DLG2: variants seen among roughly 807,000 people sequenced by gnomAD.
DLG2 encodes disks large homolog 2.
In DLG2, 45 loss-of-function variants were observed where a neutral mutation model predicts 132.5. The observed-to-expected ratio is 0.34, with a 90% confidence interval of 0.27 to 0.44. DLG2 has a LOEUF of 0.44. Among genes scored for constraint, DLG2 ranks in the 20% least tolerant of loss-of-function variants. The pLI, the probability that DLG2 is intolerant of heterozygous loss-of-function variation, is 1.00. For synonymous variants in DLG2, 424 were observed against 419.6 expected, an observed-to-expected ratio of 1.01 and a Z score of -0.13; for missense variants, 1,045 against 1,196.9, an observed-to-expected ratio of 0.87 and a Z score of 1.87.
At chr11:84,046,846 T>C (rs549870349) in intron 11 of DLG2, among the ~76,000 whole-genome samples, 3 of 151,770 alleles carry the variant, frequency 2.0e-5, no homozygotes, top group Non-Finnish European at 3.0e-5. Flanking sequence ...GTTTTCTATA[T>C]GCGATAAAGT....
chr11:84,917,331 T>G (rs966327690), intron 6 of DLG2, among the ~76,000 whole-genome samples: 1 of 152,224 alleles, frequency 6.6e-6, no homozygotes. Flanking sequence ...TGCAATTTTA[T>G]TGTTTACTTA....
At chr11:84,326,098 T>G (rs1192304038) in intron 7 of DLG2, among the ~76,000 whole-genome samples, 1 of 152,068 alleles carries the variant, frequency 6.6e-6, no homozygotes, top group African/African-American at 2.4e-5. Context: ...CTTCTTTCAT[T>G]TTAAAAAATT....
chr11:84,546,016 G>A (rs1056891308), intron 6 of DLG2, among the ~76,000 whole-genome samples: 2 of 152,050 alleles, frequency 1.3e-5, no homozygotes, highest in African/African-American at 2.4e-5. Flanking sequence ...TCGGCCTCCC[G>A]AAGTGCTGGG....
At chr11:84,037,246 G>A (rs555841944) in intron 11 of DLG2, among the ~76,000 whole-genome samples, 10 of 152,180 alleles carry the variant, frequency 6.6e-5, no homozygotes, top group African/African-American at 2.4e-4. Flanking sequence ...AGATACTTCT[G>A]AAAATTATGC....
intron 6 of DLG2, among the ~76,000 whole-genome samples, chr11:84,693,683 TG>T (rs1460282550): frequency 1.3e-5 from 2 of 151,702 alleles, no homozygotes; most frequent in Non-Finnish European, 3.0e-5. Context: ...TTATACACTC[TG>T]ACTCCCATCC....
intron 9 of DLG2, among the ~76,000 whole-genome samples, chr11:84,104,005 T>C (rs1050333393): frequency 6.6e-6 from 1 of 152,282 alleles, no homozygotes; most frequent in East Asian, 1.9e-4. Context: ...AAAAGATTTG[T>C]GTTCAAGGTT....
intron 18 of DLG2, among the ~76,000 whole-genome samples, chr11:83,771,080 C>T (rs138061853): frequency 1.3e-5 from 2 of 152,316 alleles, no homozygotes; most frequent in African/African-American, 4.8e-5. Flanking sequence ...ATAATCTTCA[C>T]ATCTTCATTT....
At position 85,130,062 on chromosome 11, in the gene DLG2, G is replaced by C. The variant is rs534782550; in HGVS notation, c.283-18327C>G. 3.3e-5 allele frequency among the ~76,000 whole-genome samples: 5 copies of C among 152,146 alleles called. No individual in the cohort carries two copies. In the South Asian group the frequency reaches 6.2e-4, roughly 19 times the overall value. The stretch of plus-strand genomic sequence containing the variant: ...CACACACCGGGGCCTTTTGAGGGGT[G>C]GGGGGCAAGAGGAGAAATAGCATTA... On this transcript the variant is annotated intron_variant, in intron 5 of 27. Transcript: ENST00000376104.
At chr11:84,845,211 G>C (rs1416293437) in intron 6 of DLG2, among the ~76,000 whole-genome samples, 1 of 151,982 alleles carries the variant, frequency 6.6e-6, no homozygotes, top group Non-Finnish European at 1.5e-5. Flanking sequence ...TTTGAAATTT[G>C]GTTATCCAAT....
chr11:85,405,029 G>C (rs1376605807), intron 3 of DLG2, among the ~76,000 whole-genome samples: 2 of 151,958 alleles, frequency 1.3e-5, no homozygotes, highest in African/African-American at 4.8e-5. Context: ...TGGTGGAAGA[G>C]GAAAAACAAT....
chr11:83,585,329 A>T (rs974930834), intron 19 of DLG2, among the ~76,000 whole-genome samples: 7 of 152,194 alleles, frequency 4.6e-5, no homozygotes, highest in African/African-American at 2.4e-5. Context: ...AGGCCAGGGA[A>T]TGTACCATAC....
At chr11:84,156,025 C>T (rs1038961814) in intron 9 of DLG2, among the ~76,000 whole-genome samples, 7 of 152,162 alleles carry the variant, frequency 4.6e-5, no homozygotes, top group African/African-American at 1.7e-4. Flanking sequence ...TAATTAATGG[C>T]TAAATTCTGC....
chr11:83,834,362 T>A (rs552675057), intron 16 of DLG2, among the ~76,000 whole-genome samples: 3 of 152,294 alleles, frequency 2.0e-5, no homozygotes, highest in South Asian at 2.1e-4. Flanking sequence ...ATTTAGGATG[T>A]TGTCTAGGAA....
chr11:83,753,802 CA>C (rs1359989810), intron 18 of DLG2, among the ~76,000 whole-genome samples: 1 of 111,406 alleles, frequency 9.0e-6, no homozygotes, highest in East Asian at 2.3e-4. Flanking sequence ...TATGATATAT[CA>C]TATATATCAT....
At chr11:85,326,312 C>T (rs1237321229) in intron 3 of DLG2, among the ~76,000 whole-genome samples, 3 of 143,130 alleles carry the variant, frequency 2.1e-5, no homozygotes, top group African/African-American at 5.3e-5. Flanking sequence ...CTCCAAGACA[C>T]ATAATTGTCA....
intron 6 of DLG2, among the ~76,000 whole-genome samples, chr11:84,864,281 G>C (rs1435128542): frequency 6.6e-6 from 1 of 152,094 alleles, no homozygotes; most frequent in African/African-American, 2.4e-5. Context: ...AATGTTCTCA[G>C]ATACTTGCAA....
At chr11:84,854,288 T>C (rs2082508513) in intron 6 of DLG2, among the ~76,000 whole-genome samples, 1 of 150,966 alleles carries the variant, frequency 6.6e-6, no homozygotes, top group Admixed American at 6.6e-5. Context: ...CAAAAGTGTA[T>C]CTGTGACCAT....
At chr11:83,889,358 G>C (rs1047602187) in intron 15 of DLG2, among the ~76,000 whole-genome samples, 2 of 152,080 alleles carry the variant, frequency 1.3e-5, no homozygotes, top group Non-Finnish European at 2.9e-5. Context: ...ATGAAAAAAT[G>C]CTCACCATCA....
intron 3 of DLG2, among the ~76,000 whole-genome samples, chr11:85,575,964 A>T (rs2078133273): frequency 6.6e-6 from 1 of 152,212 alleles, no homozygotes; most frequent in South Asian, 2.1e-4. Context: ...CAAATTAATG[A>T]AAAGCTTAGA....
Sources: allele counts gnomAD v4.1 joint callset (sites outside exome capture counted in the v4.1 genomes callset), GRCh38; gene constraint gnomAD v4.1.1; transcripts MANE v1.5; gene names NCBI Gene and HGNC (gene_info 2026-07-23, HGNC 2026-07-21).